DNAH5: variants seen among roughly 807,000 people sequenced by gnomAD.
The protein encoded by DNAH5 is axonemal beta dynein heavy chain 5.
Under a neutral mutation model 518.2 loss-of-function variants are expected in DNAH5, and 372 were observed. The observed-to-expected ratio is 0.72, with a 90% confidence interval of 0.66 to 0.78. DNAH5 has a LOEUF of 0.78. DNAH5 is among the 30% of genes least tolerant of loss of function. DNAH5 has a pLI of 0.00. For missense variants in DNAH5, 5,523 were observed against 5,687.0 expected (o/e 0.97, Z 0.93); for synonymous variants, 2,039 against 2,025.9 (o/e 1.01, Z -0.17).
At position 13,900,465 on chromosome 5, in the gene DNAH5, T is replaced by C. The variant is rs919534046; in HGVS notation, c.2053-53A>G. The C allele has an allele frequency of 2.8e-6, 4 of 1,409,738 alleles. No individual in the cohort carries two copies. In the African/African-American group the frequency reaches 4.2e-5, roughly 15 times the overall value. 87.3% of individuals were successfully genotyped at this position (1,409,738 alleles called of 1,614,324 possible). A position where few individuals can be genotyped will look rare whatever the true frequency, so the allele number is the denominator to read the frequency against. On this transcript the variant is annotated intron_variant, in intron 14 of 78. Coordinates refer to ENST00000265104, the MANE Select transcript of DNAH5 (RefSeq NM_001369.3). Reference sequence around the variant, plus strand: ...ATCAGAAAGTTCAATTCATGCAGAGTATCTAGCTCAGCTATCTCTAGGAAT... The same window carrying C: ...ATCAGAAAGTTCAATTCATGCAGAGCATCTAGCTCAGCTATCTCTAGGAAT...
intron 16 of DNAH5, among the ~76,000 whole-genome samples, chr5:13,893,916 G>GA (rs55894242): frequency 0.34 from 42,801 of 127,078 alleles, 6,420 homozygotes; most frequent in South Asian, 0.42. Flanking sequence ...GTCTTTCTGA[G>GA]AAAAAAAAAA....
intron 35 of DNAH5, among the ~76,000 whole-genome samples, chr5:13,831,235 G>A (rs1255253823): frequency 6.6e-6 from 1 of 152,124 alleles, no homozygotes. Flanking sequence ...ATGTAGTTGG[G>A]ATTTAAAACA....
In DNAH5 at chr5:13,842,445, A is replaced by AGAGAGAGAGAG. The variant is rs1561407436; in HGVS notation, c.5272-542_5272-541insCTCTCTCTCTC. Reference sequence around the variant, plus strand: ...AAGAAAAGAAAGAAAGAAAGAAAGAAAGAAAGAAAGAAAGAAAGAAAGAAA... The same window carrying AGAGAGAGAGAG: ...AAGAAAAGAAAGAAAGAAAGAAAGAAGAGAGAGAGAGAGAAAGAAAGAAAGAAAGAAAGAAA... On this transcript the variant is annotated intron_variant, in intron 32 of 78. Transcript: ENST00000265104. Among the ~76,000 whole-genome samples the AGAGAGAGAGAG allele has an allele frequency of 1.6e-4, 16 of 97,856 alleles. 1 individual carries two copies. The highest frequency in any genetic ancestry group is 7.5e-4 in the African/African-American group (16 of 21,392). 64.2% of individuals were successfully genotyped at this position (97,856 alleles called of 152,430 possible).
At chr5:13,997,648 T>G (rs1313756818) in intron 1 of DNAH5, among the ~76,000 whole-genome samples, 1 of 152,114 alleles carries the variant, frequency 6.6e-6, no homozygotes, top group East Asian at 1.9e-4. Flanking sequence ...AATGCAGACT[T>G]TTTCTAGCCT....
At chr5:13,848,218 C>A (rs1414366798) in intron 31 of DNAH5, among the ~76,000 whole-genome samples, 1 of 152,186 alleles carries the variant, frequency 6.6e-6, no homozygotes, top group African/African-American at 2.4e-5. Flanking sequence ...CCTAAGACTC[C>A]ATTTTTCTAA....
In DNAH5 at chr5:13,700,738, C is replaced by T; in HGVS notation, c.13625G>A (p.Gly4542Asp). Reference sequence around the variant, plus strand: ...CATGTTCCTCTTGTCCCAGCCAGCACCTTCAAGATATAAGCCATAGACATA... The same window carrying T: ...CATGTTCCTCTTGTCCCAGCCAGCATCTTCAAGATATAAGCCATAGACATA... ...GVYVYGLYLE[G>D]AGWDKRNMKL... Residue 4542 changes from glycine to aspartate, a missense_variant, in exon 78 of 79, where the codon GGT (glycine) becomes GAT (aspartate). Around this residue, in one of 3 missense-constraint regions of DNAH5, gnomAD observed 387 missense variants for 430.0 expected, o/e 0.90. Coordinates refer to ENST00000265104, the MANE Select transcript of DNAH5 (RefSeq NM_001369.3). 4 of 1,614,148 alleles carry T rather than the reference C, an allele frequency of 2.5e-6. No homozygotes were observed. Among genetic ancestry groups the T allele is most frequent in the Non-Finnish European group, 3.4e-6 (4 of 1,180,002 alleles).
chr5:13,769,032 T>C lies in DNAH5; in HGVS notation c.9825A>G (p.Lys3275=), dbSNP rs1580139912. Residue 3275 remains lysine, a synonymous_variant, in exon 58 of 79, where the codon AAA becomes AAG. Coordinates refer to ENST00000265104, the MANE Select transcript of DNAH5 (RefSeq NM_001369.3). ...RAQAIVDSIS[K]DKAIAEEKLE... ...GTTTTTCTTCAGCAATGGCTTTGTC[T>C]TTAGAGATGCTGTCCACAATGGCCT... 1 of 1,614,126 alleles carries C rather than the reference T, an allele frequency of 6.2e-7. No individual in the cohort carries two copies. Among genetic ancestry groups the C allele is most frequent in the Non-Finnish European group, 8.5e-7 (1 of 1,180,048 alleles).
intron 78 of DNAH5, among the ~76,000 whole-genome samples, chr5:13,697,568 G>T (rs1236930715): frequency 6.6e-6 from 1 of 152,144 alleles, no homozygotes; most frequent in African/African-American, 2.4e-5. Flanking sequence ...GACTAAATGA[G>T]ACATGGTGTG....
intron 32 of DNAH5, among the ~76,000 whole-genome samples, chr5:13,844,447 A>C (rs574989956): frequency 6.6e-6 from 1 of 152,330 alleles, no homozygotes; most frequent in Non-Finnish European, 1.5e-5. Flanking sequence ...AAACAAAAAA[A>C]GTTTGAATAA....
chr5:13,759,182 C>T (rs571897825), intron 60 of DNAH5, among the ~76,000 whole-genome samples, 199 bp from the exon 61 acceptor site: 1 of 152,360 alleles, frequency 6.6e-6, no homozygotes, highest in African/African-American at 2.4e-5. Flanking sequence ...GAAAGTTACA[C>T]TTCATTAGAA....
intron 15 of DNAH5, chr5:13,898,709 G>A (rs1248274559): frequency 2.5e-6 from 1 of 398,110 alleles, no homozygotes; most frequent in Non-Finnish European, 4.4e-6. Flanking sequence ...TAATGAGCAT[G>A]AAAATGGCTT....
chr5:13,890,937 C>T (rs758188607), intron 17 of DNAH5, 39 bp downstream of exon 17: 2 of 1,612,928 alleles, frequency 1.2e-6, no homozygotes, highest in East Asian at 2.2e-5. Flanking sequence ...AAATGAATCA[C>T]CAAAAACCTT....
intron 68 of DNAH5, among the ~76,000 whole-genome samples, chr5:13,731,728 G>A (rs921525220): frequency 2.6e-5 from 4 of 152,172 alleles, no homozygotes; most frequent in Non-Finnish European, 5.9e-5. Flanking sequence ...TATAATGAAA[G>A]TTTTATACAA....
At chr5:13,932,123 T>C (rs967578435) in intron 1 of DNAH5, 1 of 152,242 alleles carries the variant, frequency 6.6e-6, no homozygotes, top group African/African-American at 2.4e-5. Flanking sequence ...AAACATTTGT[T>C]AAACCCCTAA....
chr5:14,009,204 G>A (rs1000134537), intron 1 of DNAH5, among the ~76,000 whole-genome samples: 7 of 152,196 alleles, frequency 4.6e-5, no homozygotes, highest in African/African-American at 1.4e-4. Flanking sequence ...ATAAACAGCC[G>A]CTCTGGTGAG....
At position 13,717,304 on chromosome 5, in the gene DNAH5, C is replaced by A. The variant is rs765130526; in HGVS notation, c.12705+11G>T. 1.1e-5 allele frequency: 18 copies of A among 1,611,590 alleles called. No individual in the cohort carries two copies. Among genetic ancestry groups the A allele is most frequent in the Non-Finnish European group, 1.4e-5 (17 of 1,178,940 alleles). ...GCCACTAGAGGCATGAGGCAGCATG[C>A]GCGGCAGTACCTTTTTGACATCCAT... On this transcript the variant is annotated intron_variant, in intron 73 of 78. Transcript: ENST00000265104.
intron 42 of DNAH5, among the ~76,000 whole-genome samples, chr5:13,815,897 C>G (rs146312128): frequency 6.6e-6 from 1 of 152,120 alleles, no homozygotes. Flanking sequence ...GGGTAAGTTT[C>G]TTCTAGATAA....
chr5:13,764,340 A>C (rs1752215530), intron 59 of DNAH5, among the ~76,000 whole-genome samples: 1 of 152,218 alleles, frequency 6.6e-6, no homozygotes, highest in Non-Finnish European at 1.5e-5. Context: ...AAAGCAGCAG[A>C]AAATATTTGC....
chr5:14,011,037 T>C (rs384902), intron 1 of DNAH5, among the ~76,000 whole-genome samples: 63,058 of 150,530 alleles, frequency 0.42, 14,258 homozygotes, highest in East Asian at 0.81. Flanking sequence ...GAAATGAAAG[T>C]TGATGTAAAT....
Sources: allele counts gnomAD v4.1 joint callset (sites outside exome capture counted in the v4.1 genomes callset), GRCh38; gene constraint gnomAD v4.1.1; regional missense constraint gnomAD v4.1.1; transcripts MANE v1.5; gene names NCBI Gene and HGNC (gene_info 2026-07-23, HGNC 2026-07-21).